Variants in CMKLR2 observed in about 807,000 individuals in gnomAD.
The protein encoded by CMKLR2 is chemerin chemokine-like receptor 2.
In CMKLR2, 18 loss-of-function variants were observed where a neutral mutation model predicts 23.0. The ratio of observed to expected loss-of-function variants is 0.78; its 90% CI spans 0.54 to 1.16. CMKLR2 has a LOEUF of 1.16. Ranked by LOEUF, CMKLR2 falls within the 50% of genes most tolerant of loss-of-function variation. The pLI, the probability that CMKLR2 is intolerant of heterozygous loss-of-function variation, is 0.00. For missense variants in CMKLR2, 401 were observed against 412.7 expected, an observed-to-expected ratio of 0.97 and a Z score of 0.25; for synonymous variants, 158 against 158.9, an observed-to-expected ratio of 0.99 and a Z score of 0.05.
At chr2:206,181,194 A>T (rs11688419) in intron 1 of CMKLR2, among the ~76,000 whole-genome samples, 59,505 of 151,594 alleles carry the variant, frequency 0.39, 12,129 homozygotes, top group African/African-American at 0.51. Context: ...AGTACCTGGG[A>T]CTACAGGCTT....
chr2:206,185,222 A>G (rs1576041019), intron 1 of CMKLR2, among the ~76,000 whole-genome samples: 1 of 152,316 alleles, frequency 6.6e-6, no homozygotes, highest in African/African-American at 2.4e-5. Flanking sequence ...TCTGACCTCA[A>G]GTGATCTGCC....
At chr2:206,199,355 G>A (rs1449746735) in intron 1 of CMKLR2, among the ~76,000 whole-genome samples, 6 of 152,170 alleles carry the variant, frequency 3.9e-5, no homozygotes, top group Admixed American at 6.5e-5. Context: ...AGCCAAGATC[G>A]CACTACTGCA....
At chr2:206,188,784 A>C (rs1381837877) in intron 1 of CMKLR2, among the ~76,000 whole-genome samples, 1 of 152,212 alleles carries the variant, frequency 6.6e-6, no homozygotes, top group African/African-American at 2.4e-5. Context: ...TACCTATTGA[A>C]TTAAACAATC....
chr2:206,187,901 C>CT (rs1399881033), intron 1 of CMKLR2, among the ~76,000 whole-genome samples: 1 of 151,978 alleles, frequency 6.6e-6, no homozygotes, highest in African/African-American at 2.4e-5. Flanking sequence ...TATTAGGTCT[C>CT]TTTTTTTAAT....
intron 1 of CMKLR2, among the ~76,000 whole-genome samples, chr2:206,205,840 C>G (rs1042362479): frequency 6.6e-6 from 1 of 152,074 alleles, no homozygotes; most frequent in Admixed American, 6.6e-5. Context: ...GCTGGGATTA[C>G]AGGCATATGC....
At chr2:206,208,181 G>T (rs1441853938) in intron 1 of CMKLR2, among the ~76,000 whole-genome samples, 1 of 152,170 alleles carries the variant, frequency 6.6e-6, no homozygotes, top group Non-Finnish European at 1.5e-5. Context: ...GGAGCAGAGT[G>T]CTCAGTAGGT....
intron 1 of CMKLR2, among the ~76,000 whole-genome samples, chr2:206,203,178 A>AT (rs1689165573): frequency 7.0e-6 from 1 of 143,114 alleles, no homozygotes; most frequent in Non-Finnish European, 1.6e-5. Flanking sequence ...AAAAAAAAAA[A>AT]TTAGCCGGGC....
At chr2:206,215,290 A>C (rs1443454492), upstream of CMKLR2, among the ~76,000 whole-genome samples, 1 of 152,200 alleles carries the variant, frequency 6.6e-6, no homozygotes, top group Non-Finnish European at 1.5e-5. Context: ...CCTTTGCGTT[A>C]GCAGTATTAG....
upstream of CMKLR2, among the ~76,000 whole-genome samples, chr2:206,216,063 GT>G (rs1419633624): frequency 3.3e-5 from 5 of 152,190 alleles, no homozygotes; most frequent in African/African-American, 1.2e-4. Context: ...TTTCTGGACA[GT>G]TTTGCCACTT....
intron 1 of CMKLR2, among the ~76,000 whole-genome samples, chr2:206,206,916 C>CATTTT (rs1553516173): frequency 3.3e-5 from 1 of 30,684 alleles, no homozygotes; most frequent in Admixed American, 4.3e-4. Context: ...TCCCCCTGCC[C>CATTTT]CTTTTTTTTT....
At position 206,176,252 on chromosome 2, in the gene CMKLR2, A is replaced by G. The variant is rs1360189629; in HGVS notation, c.996T>C (p.Cys332=). ...TGAGCTGTTCACTCACTGTGCCAGAACAGCTGACTTCCCACAGTGTGTACT... is the reference window on the plus strand; with the variant it reads ...TGAGCTGTTCACTCACTGTGCCAGAGCAGCTGACTTCCCACAGTGTGTACT... ...ILKYTLWEVS[C]SGTVSEQLRN... The change falls in exon 2 of 2, where the codon TGT becomes TGC. Residue 332 remains cysteine (C), a synonymous_variant. Transcript: ENST00000621141. 20 of 1,614,106 alleles carry G rather than the reference A, an allele frequency of 1.2e-5. No homozygotes were observed. Among genetic ancestry groups the G allele is most frequent in the Non-Finnish European group, 1.7e-5 (20 of 1,180,052 alleles).
rs375031997 is a variant in CMKLR2, at chr2:206,198,523, A to C, written c.-29+14784T>G. Among the ~76,000 whole-genome samples, 30 of 152,332 alleles carry C rather than the reference A, an allele frequency of 2.0e-4. No homozygotes were observed. In the East Asian group the frequency reaches 5.6e-3, roughly 28 times the overall value. Reference sequence around the variant, plus strand: ...CTCTTTTATTACTCTCCATGCCTCAAACTAGCACCAAATCCGGTCCCTTGC... The same window carrying C: ...CTCTTTTATTACTCTCCATGCCTCACACTAGCACCAAATCCGGTCCCTTGC... On this transcript the variant is annotated intron_variant, in intron 1 of 1. Transcript: ENST00000621141.
In CMKLR2 at chr2:206,177,122, C is replaced by G. The variant is rs767863862; in HGVS notation, c.126G>C (p.Leu42=). ...VQLGVVHWVS[L]VLYCLAFVLG... is the part of the protein sequence containing the mutation. ...GAACAAAAGCCAAACAATATAACAC[C>G]AGGGAGACCCAGTGAACAACTCCCA... is the stretch of plus-strand genomic sequence containing the variant. Residue 42 remains leucine, a synonymous_variant, in exon 2 of 2, where the codon CTG becomes CTC. Coordinates refer to ENST00000621141, the MANE Select transcript of CMKLR2 (RefSeq NM_001389445.1). The G allele has an allele frequency of 5.0e-6, 8 of 1,613,996 alleles. No homozygotes were observed. The South Asian group carries it at 8.8e-5, about 18-fold the overall frequency.
chr2:206,194,886 T>C (rs1366294875), intron 1 of CMKLR2, among the ~76,000 whole-genome samples: 13 of 151,200 alleles, frequency 8.6e-5, no homozygotes, highest in Non-Finnish European at 8.8e-5. Flanking sequence ...CCCAAGTAGC[T>C]GGGACTACAG....
At chr2:206,195,728 G>T (rs1000055000) in intron 1 of CMKLR2, among the ~76,000 whole-genome samples, 1 of 152,090 alleles carries the variant, frequency 6.6e-6, no homozygotes, top group African/African-American at 2.4e-5. Context: ...GCCGAGGCAG[G>T]CAGATCACCT....
chr2:206,195,495 G>T (rs187418884), intron 1 of CMKLR2, among the ~76,000 whole-genome samples: 1 of 152,310 alleles, frequency 6.6e-6, no homozygotes, highest in African/African-American at 2.4e-5. Context: ...CAGCCTGGAT[G>T]CTGCTGGCTG....
chr2:206,180,561 A>G (rs1018143405), intron 1 of CMKLR2, among the ~76,000 whole-genome samples: 4 of 152,116 alleles, frequency 2.6e-5, no homozygotes, highest in Admixed American at 2.0e-4. Flanking sequence ...CCACCTCCCA[A>G]GTAGCTGGGA....
intron 1 of CMKLR2, among the ~76,000 whole-genome samples, chr2:206,211,646 C>G (rs1173694682): frequency 1.3e-5 from 2 of 151,838 alleles, no homozygotes; most frequent in African/African-American, 2.4e-5. Flanking sequence ...CCTAAGGACC[C>G]ATTTATGTTT....
Position 206,176,399 on chromosome 2 carries a change from C to G in CMKLR2, c.849G>C (p.Gln283His), listed in dbSNP as rs1241037105. Residue 283 changes from glutamine to histidine, a missense_variant, in exon 2 of 2, where the codon CAG (glutamine) becomes CAC (histidine). Gln to His is a conservative substitution (Grantham distance 24). Coordinates refer to ENST00000621141, the MANE Select transcript of CMKLR2 (RefSeq NM_001389445.1). ...HHNSYSHHVM[Q>H]AGIPLSTGLA... The stretch of plus-strand genomic sequence containing the variant: ...AACCAGTGGAGAGGGGGATTCCAGC[C>G]TGCATCACATGGTGGGAATAGCTAT... 1.2e-6 allele frequency: 2 copies of G among 1,614,152 alleles called. No homozygotes were observed. Among genetic ancestry groups the G allele is most frequent in the Non-Finnish European group, 1.7e-6 (2 of 1,180,030 alleles).
Sources: gnomAD v4.1 joint callset for allele counts (sites outside exome capture counted in the v4.1 genomes callset) on GRCh38, gnomAD v4.1.1 for gene constraint, MANE v1.5 for transcripts, NCBI Gene and HGNC (gene_info 2026-07-23, HGNC 2026-07-21) for gene names.